Variants in SPEN observed in about 807,000 individuals in gnomAD.
The protein encoded by SPEN is spen family transcriptional repressor.
A neutral mutation model predicts 269.9 loss-of-function variants in SPEN; 18 were observed. The ratio of observed to expected loss-of-function variants is 0.07; its 90% CI spans 0.05 to 0.10. SPEN has a LOEUF of 0.10. Ranked by LOEUF, SPEN falls within the 10% of genes least tolerant of loss-of-function variation. The pLI, the probability that SPEN is intolerant of heterozygous loss-of-function variation, is 1.00. For missense variants in SPEN, 3,822 were observed against 4,631.2 expected (o/e 0.83, Z 5.07); for synonymous variants, 1,726 against 1,765.7 (o/e 0.98, Z 0.56).
intron 11 of SPEN, 80 bp downstream of exon 11, chr1:15,936,346 G>A (rs572411050): frequency 1.4e-6 from 2 of 1,456,110 alleles, no homozygotes; most frequent in East Asian, 4.8e-5. Context: ...CAAGATGTGT[G>A]AAAGAAATCA....
At chr1:15,869,699 T>C (rs896520811) in intron 1 of SPEN, among the ~76,000 whole-genome samples, 16 of 151,662 alleles carry the variant, frequency 1.1e-4, no homozygotes, top group African/African-American at 3.9e-4. Flanking sequence ...CTGATGCTCC[T>C]GCCTCAACCT....
chr1:15,927,313 A>G (rs1318631367), intron 10 of SPEN, among the ~76,000 whole-genome samples: 1 of 152,190 alleles, frequency 6.6e-6, no homozygotes, highest in Non-Finnish European at 1.5e-5. Flanking sequence ...TACTGAGGCC[A>G]AGTACCTGCC....
Position 15,911,115 on chromosome 1 carries a change from G to A in SPEN, c.1057G>A (p.Asp353Asn), listed in dbSNP as rs2071008147. ...PVRSTDTSLK[D>N]GLFHEFKKFG... ...TGGGAATTTAGATACAAGCCTTAAA[G>A]ATGGCCTTTTCCATGAATTTAAGAA... is the stretch of plus-strand genomic sequence containing the variant. The change falls in exon 5 of 15, where the codon GAT (aspartate) becomes AAT (asparagine). Residue 353 changes from aspartate (D) to asparagine (N), a missense_variant. Physicochemically the swap from Asp to Asn is conservative, Grantham distance 23. Coordinates refer to ENST00000375759, the MANE Select transcript of SPEN (RefSeq NM_015001.3). 2 of 1,613,044 alleles carry A rather than the reference G, an allele frequency of 1.2e-6. No individual in the cohort carries two copies. The highest frequency in any genetic ancestry group is 1.3e-5 in the African/African-American group (1 of 74,816).
At chr1:15,898,684 C>A (rs1043734485) in intron 3 of SPEN, among the ~76,000 whole-genome samples, 1 of 151,616 alleles carries the variant, frequency 6.6e-6, no homozygotes, top group South Asian at 2.1e-4. Context: ...CTCAGCCTCC[C>A]GAGTAGCTGG....
At chr1:15,871,671 A>T (rs2070576649) in intron 1 of SPEN, among the ~76,000 whole-genome samples, 1 of 152,040 alleles carries the variant, frequency 6.6e-6, no homozygotes. Context: ...ATTAAGTAGC[A>T]AAAAAATTAC....
At chr1:15,859,878 T>C (rs1284602756) in intron 1 of SPEN, among the ~76,000 whole-genome samples, 1 of 148,642 alleles carries the variant, frequency 6.7e-6, no homozygotes, top group Non-Finnish European at 1.5e-5. Context: ...AGGTATTTAA[T>C]AAGTATAAAG....
At position 15,931,800 on chromosome 1, in the gene SPEN, C is replaced by G. The variant is rs368453661; in HGVS notation, c.5560C>G (p.Arg1854Gly). ...SERIDREKLK[R>G]SNSPRGEAQK... ...GAGGATAGACCGGGAAAAACTCAAG[C>G]GGTCCAATTCTCCTCGGGGAGAAGC... Residue 1854 changes from arginine to glycine, a missense_variant, in exon 11 of 15, where the codon CGG (arginine) becomes GGG (glycine). Arg to Gly is a moderately radical substitution (Grantham distance 125, BLOSUM62 -2). This residue lies in a region of SPEN where 533 missense variants were observed against 618.8 expected (regional missense o/e 0.86). Transcript: ENST00000375759. This position sits in a 1 kb window ranked among gnomAD's most constrained non-coding sequence, Gnocchi z 4.8. 1 of 1,614,160 alleles carries G rather than the reference C, an allele frequency of 6.2e-7. No individual in the cohort carries two copies. The highest frequency in any genetic ancestry group is 1.7e-5 in the Admixed American group (1 of 60,014).
Position 15,848,217 on chromosome 1 carries a change from C to A in SPEN, c.83+67C>A. The A allele has an allele frequency of 8.5e-7, 1 of 1,179,296 alleles. No individual in the cohort carries two copies. Among genetic ancestry groups the A allele is most frequent in the Non-Finnish European group, 1.2e-6 (1 of 867,042 alleles). The allele number at this position is 1,179,296 out of a possible 1,614,324, so 73.1% of individuals were successfully genotyped here. A position where few individuals can be genotyped will look rare whatever the true frequency, so the allele number is the denominator to read the frequency against. The stretch of plus-strand genomic sequence containing the variant: ...GCCGCTTCCCGCCCCGGCCCGTTGC[C>A]GGCCCCTCCCGGAGCGCGGAGCTGG... On this transcript the variant is annotated intron_variant, in intron 1 of 14. Coordinates refer to ENST00000375759, the MANE Select transcript of SPEN (RefSeq NM_015001.3). The surrounding 1 kb of genome is among the most constrained non-coding windows in gnomAD (Gnocchi z 5.1).
intron 5 of SPEN, among the ~76,000 whole-genome samples, chr1:15,914,467 T>C (rs1459675990): frequency 6.6e-6 from 1 of 152,206 alleles, no homozygotes; most frequent in African/African-American, 2.4e-5. Context: ...TAGACCAAGT[T>C]TATAAATGGA....
At chr1:15,899,563 T>TTA (rs2070880021) in intron 3 of SPEN, among the ~76,000 whole-genome samples, 13 of 146,322 alleles carry the variant, frequency 8.9e-5, no homozygotes, top group Admixed American at 8.2e-4. Context: ...TTTTTTTTTT[T>TTA]AAGATCCTGT....
At chr1:15,861,079 A>T (rs868532842) in intron 1 of SPEN, among the ~76,000 whole-genome samples, 15 of 151,454 alleles carry the variant, frequency 9.9e-5, no homozygotes, top group East Asian at 3.9e-4. Flanking sequence ...TAATTTTTTT[A>T]AAAAATTGCT....
chr1:15,928,988 A>C lies in SPEN; in HGVS notation c.2748A>C (p.Lys916Asn). The change falls in exon 11 of 15, where the codon AAA becomes AAC. Residue 916 changes from lysine (K) to asparagine (N), a missense_variant. By Grantham distance (94) the Lys-to-Asn change is moderately conservative. Transcript: ENST00000375759. This position sits in a 1 kb window ranked among gnomAD's most constrained non-coding sequence, Gnocchi z 5.7. ...TCAAATCTTCTGCCCTGGACCAGAA[A>C]CTTCAGGTCTCTCAGACGGAGCCTG... Reference protein sequence around the residue: ...DTVKSSALDQKLQVSQTEPAK... With the variant: ...DTVKSSALDQNLQVSQTEPAK... 6.2e-7 allele frequency: 1 copy of C among 1,614,200 alleles called. No individual in the cohort carries two copies. Among genetic ancestry groups the C allele is most frequent in the Non-Finnish European group, 8.5e-7 (1 of 1,180,018 alleles).
At chr1:15,923,499 A>G (rs796697349) in intron 10 of SPEN, among the ~76,000 whole-genome samples, 2 of 152,182 alleles carry the variant, frequency 1.3e-5, no homozygotes, top group South Asian at 4.1e-4. Flanking sequence ...AAGTATGAAA[A>G]GGGCTCCATG....
At chr1:15,897,962 C>G (rs1402874094) in intron 3 of SPEN, among the ~76,000 whole-genome samples, 2 of 152,170 alleles carry the variant, frequency 1.3e-5, no homozygotes, top group Non-Finnish European at 1.5e-5. Context: ...AATAGTTGCA[C>G]AGTCACCAGT....
At chr1:15,876,711 G>A (rs1368026264) in intron 3 of SPEN, 33 bp downstream of exon 3, 2 of 1,499,468 alleles carry the variant, frequency 1.3e-6, no homozygotes, top group South Asian at 1.1e-5. Flanking sequence ...TAACAGATGA[G>A]CTAGCTTTAA....
chr1:15,872,745 A>G (rs190328708), intron 1 of SPEN, 71 bp from the exon 2 acceptor site: 8 of 1,319,888 alleles, frequency 6.1e-6, no homozygotes, highest in Non-Finnish European at 8.2e-6. Flanking sequence ...CAAATTGTCC[A>G]AAAAAAATCT....
At chr1:15,903,816 A>G (rs1232535481) in intron 3 of SPEN, among the ~76,000 whole-genome samples, 3 of 152,150 alleles carry the variant, frequency 2.0e-5, no homozygotes, top group Admixed American at 6.6e-5. Context: ...GATACTTTTA[A>G]TTGATATTGA....
chr1:15,901,307 CTCTG>C (rs2070896889), intron 3 of SPEN, among the ~76,000 whole-genome samples: 1 of 149,372 alleles, frequency 6.7e-6, no homozygotes, highest in African/African-American at 2.5e-5. Context: ...AGAGTAGAGA[CTCTG>C]TCTGGTAAAA....
chr1:15,903,700 G>C (rs1270060901), intron 3 of SPEN, among the ~76,000 whole-genome samples: 1 of 152,168 alleles, frequency 6.6e-6, no homozygotes, highest in African/African-American at 2.4e-5. Flanking sequence ...GCCATGTCAT[G>C]TGCATGCTGG....
Sources: gnomAD v4.1 joint callset for allele counts (sites outside exome capture counted in the v4.1 genomes callset) on GRCh38, gnomAD v4.1.1 for gene constraint, gnomAD v4.1.1 regional missense constraint, Gnocchi (gnomAD v3.1) non-coding constraint, MANE v1.5 for transcripts, NCBI Gene and HGNC (gene_info 2026-07-23, HGNC 2026-07-21) for gene names.